The following SEMA5A variants were observed in gnomAD, a reference collection of about 807,000 sequenced individuals.
SEMA5A encodes semaphorin 5A.
SEMA5A carries 55 observed loss-of-function variants against 135.5 expected under a neutral mutation model. The observed-to-expected ratio is 0.41, with a 90% confidence interval of 0.33 to 0.51. The LOEUF (loss-of-function observed/expected upper bound fraction) is 0.51. Among genes scored for constraint, SEMA5A ranks in the 20% least tolerant of loss-of-function variants. The pLI, the probability that SEMA5A is intolerant of heterozygous loss-of-function variation, is 0.37. For synonymous variants in SEMA5A, 580 were observed against 546.5 expected, an observed-to-expected ratio of 1.06 and a Z score of -0.85; for missense variants, 1,290 against 1,419.9, an observed-to-expected ratio of 0.91 and a Z score of 1.47.
chr5:9,164,726 C>A (rs1225223523), intron 11 of SEMA5A, among the ~76,000 whole-genome samples: 1 of 152,080 alleles, frequency 6.6e-6, no homozygotes, highest in African/African-American at 2.4e-5. Context: ...GGGGGAAATT[C>A]AGAGAGAACT....
At chr5:9,432,072 G>C (rs1354310909) in intron 2 of SEMA5A, among the ~76,000 whole-genome samples, 1 of 152,172 alleles carries the variant, frequency 6.6e-6, no homozygotes, top group Non-Finnish European at 1.5e-5. Flanking sequence ...CCATAATGGG[G>C]AATTCCAATG....
At chr5:9,326,872 C>T (rs975420918) in intron 4 of SEMA5A, among the ~76,000 whole-genome samples, 7 of 152,128 alleles carry the variant, frequency 4.6e-5, no homozygotes, top group African/African-American at 1.2e-4. Flanking sequence ...TATTTAATAT[C>T]GTGATCATAT....
At chr5:9,125,472 G>A (rs1741056712) in intron 13 of SEMA5A, among the ~76,000 whole-genome samples, 1 of 152,104 alleles carries the variant, frequency 6.6e-6, no homozygotes, top group Admixed American at 6.6e-5. Flanking sequence ...TTAGGTATTT[G>A]TCCTAATGCT....
At chr5:9,354,040 G>C (rs1754335201) in intron 3 of SEMA5A, among the ~76,000 whole-genome samples, 1 of 151,846 alleles carries the variant, frequency 6.6e-6, no homozygotes, top group Non-Finnish European at 1.5e-5. Flanking sequence ...CAACAGAGGT[G>C]GATTTCTGCC....
chr5:9,241,460 T>C (rs1748190934), intron 5 of SEMA5A, among the ~76,000 whole-genome samples: 1 of 151,688 alleles, frequency 6.6e-6, no homozygotes, highest in Admixed American at 6.6e-5. Flanking sequence ...GTGTTCATTT[T>C]CATTGTTATA....
intron 3 of SEMA5A, among the ~76,000 whole-genome samples, chr5:9,376,316 A>C (rs1162106158): frequency 6.6e-6 from 1 of 152,086 alleles, no homozygotes; most frequent in East Asian, 1.9e-4. Flanking sequence ...GCTTGCCAGG[A>C]CCCGCAATGC....
chr5:9,139,095 C>A (rs570708750), intron 12 of SEMA5A, among the ~76,000 whole-genome samples: 21 of 152,276 alleles, frequency 1.4e-4, no homozygotes, highest in African/African-American at 5.1e-4. Flanking sequence ...ATGACTTCTT[C>A]TCCACCAGAT....
intron 11 of SEMA5A, among the ~76,000 whole-genome samples, chr5:9,162,528 A>T (rs1488503152): frequency 3.8e-5 from 3 of 78,436 alleles, no homozygotes; most frequent in African/African-American, 6.7e-5. Context: ...GTATATGTGT[A>T]TATATATGTA....
At chr5:9,184,632 T>C (rs1744709548) in intron 11 of SEMA5A, among the ~76,000 whole-genome samples, 1 of 152,358 alleles carries the variant, frequency 6.6e-6, no homozygotes, top group Non-Finnish European at 1.5e-5. Flanking sequence ...TCTAATTTAA[T>C]TTTTACTCTT....
At chr5:9,376,421 T>C (rs1024383873) in intron 3 of SEMA5A, among the ~76,000 whole-genome samples, 2 of 152,204 alleles carry the variant, frequency 1.3e-5, no homozygotes, top group African/African-American at 4.8e-5. Context: ...AACAATCACT[T>C]GGGATGCAGT....
chr5:9,538,107 C>A (rs1413793456), intron 1 of SEMA5A, among the ~76,000 whole-genome samples: 1 of 152,196 alleles, frequency 6.6e-6, no homozygotes, highest in African/African-American at 2.4e-5. Context: ...GCTAAAGACA[C>A]TCACTTCTAC....
chr5:9,078,352 G>A (rs935173220), intron 16 of SEMA5A, among the ~76,000 whole-genome samples: 2 of 152,162 alleles, frequency 1.3e-5, no homozygotes, highest in Non-Finnish European at 2.9e-5. Context: ...TTGAGAACAT[G>A]ATGATAATTT....
intron 4 of SEMA5A, among the ~76,000 whole-genome samples, chr5:9,320,803 G>A (rs1184116851): frequency 6.6e-6 from 1 of 152,160 alleles, no homozygotes; most frequent in Non-Finnish European, 1.5e-5. Context: ...CAAGGTAGGT[G>A]GCACTGGAGG....
intron 4 of SEMA5A, among the ~76,000 whole-genome samples, chr5:9,325,157 A>T (rs562584063): frequency 6.6e-6 from 1 of 152,228 alleles, no homozygotes; most frequent in South Asian, 2.1e-4. Context: ...GAAAAGCAAG[A>T]GTTTGCCAAA....
intron 11 of SEMA5A, among the ~76,000 whole-genome samples, chr5:9,173,783 G>A (rs1367511802): frequency 6.6e-6 from 1 of 152,200 alleles, no homozygotes; most frequent in Non-Finnish European, 1.5e-5. Context: ...CACATTGCAT[G>A]TCCTCAGCTT....
chr5:9,256,524 C>A (rs1656443290), intron 5 of SEMA5A, among the ~76,000 whole-genome samples: 1 of 152,164 alleles, frequency 6.6e-6, no homozygotes, highest in South Asian at 2.1e-4. Flanking sequence ...TCTTTGCCAC[C>A]CTATCTACAA....
intron 5 of SEMA5A, among the ~76,000 whole-genome samples, chr5:9,248,830 AGT>A (rs1243548248): frequency 6.6e-6 from 1 of 152,192 alleles, no homozygotes; most frequent in Non-Finnish European, 1.5e-5. Context: ...TTCTGGAGAA[AGT>A]GTGGCCCGGG....
At chr5:9,229,073 G>A (rs774864399) in intron 6 of SEMA5A, among the ~76,000 whole-genome samples, 9 of 152,176 alleles carry the variant, frequency 5.9e-5, no homozygotes, top group East Asian at 1.9e-4. Context: ...TTACAGGTGC[G>A]AGCACCACTC....
chr5:9,102,483 A>T (rs1739684628), intron 16 of SEMA5A, among the ~76,000 whole-genome samples: 2 of 152,198 alleles, frequency 1.3e-5, no homozygotes, highest in African/African-American at 4.8e-5. Flanking sequence ...CCAGAAATCA[A>T]AATTCTATTA....
Sources: gnomAD v4.1 joint callset for allele counts (sites outside exome capture counted in the v4.1 genomes callset) on GRCh38, gnomAD v4.1.1 for gene constraint, MANE v1.5 for transcripts, NCBI Gene and HGNC (gene_info 2026-07-23, HGNC 2026-07-21) for gene names.